The following PNPLA8 variants were observed in gnomAD, a reference collection of about 807,000 sequenced individuals.
PNPLA8 encodes patatin like domain 8, phospholipase A2.
Under a neutral mutation model 76.9 loss-of-function variants are expected in PNPLA8, and 39 were observed. That is an observed-to-expected ratio of 0.51 (90% CI 0.39 to 0.66). The LOEUF is 0.66. Ranked by LOEUF, PNPLA8 falls within the 30% of genes least tolerant of loss-of-function variation. The pLI, the probability that PNPLA8 is intolerant of heterozygous loss-of-function variation, is 0.00. For synonymous variants in PNPLA8, 301 were observed against 307.9 expected, an observed-to-expected ratio of 0.98 and a Z score of 0.24; for missense variants, 887 against 918.0, an observed-to-expected ratio of 0.97 and a Z score of 0.44.
Position 108,511,996 on chromosome 7 carries a change from T to C in PNPLA8, c.1206+2148A>G, listed in dbSNP as rs374535647. ...CATGCAATCGGACAGGATAAACAGATTGTGAGTAGAAGAAACCCGTGGCAA... is the reference window on the plus strand; with the variant it reads ...CATGCAATCGGACAGGATAAACAGACTGTGAGTAGAAGAAACCCGTGGCAA... On this transcript the variant is annotated intron_variant, in intron 4 of 10. Coordinates refer to ENST00000257694, the MANE Select transcript of PNPLA8 (RefSeq NM_001256007.3). 1.9e-3 allele frequency among the ~76,000 whole-genome samples: 283 copies of C among 152,240 alleles called. 2 individuals are homozygous for C. Among genetic ancestry groups the C allele is most frequent in the African/African-American group, 6.4e-3 (267 of 41,544 alleles).
intron 2 of PNPLA8, among the ~76,000 whole-genome samples, chr7:108,518,568 C>T (rs946559960): frequency 6.6e-6 from 1 of 151,434 alleles, no homozygotes; most frequent in Non-Finnish European, 1.5e-5. Flanking sequence ...TGGGTGATGC[C>T]GATAATGGAG....
At chr7:108,497,331 C>T in intron 6 of PNPLA8, 152 bp downstream of exon 6, 1 of 525,294 alleles carries the variant, frequency 1.9e-6, no homozygotes, top group Non-Finnish European at 3.3e-6. Flanking sequence ...CTGGCATAAC[C>T]ATGAACAAAA....
At chr7:108,497,644 T>TAAAAC (rs1166622800) in intron 5 of PNPLA8, 67 bp from the exon 6 acceptor site, 1 of 766,948 alleles carries the variant, frequency 1.3e-6, no homozygotes, top group Admixed American at 3.3e-5. Flanking sequence ...AGCTGTTGAA[T>TAAAAC]AAAACAATCT....
chr7:108,516,082 C>A (rs182092632), intron 2 of PNPLA8, among the ~76,000 whole-genome samples: 312 of 152,310 alleles, frequency 2.0e-3, no homozygotes, highest in Non-Finnish European at 3.6e-3. Flanking sequence ...ACTAGAGCTG[C>A]TGATAGCCAT....
intron 10 of PNPLA8, among the ~76,000 whole-genome samples, chr7:108,475,175 C>A (rs1859900483): frequency 6.6e-6 from 1 of 152,128 alleles, no homozygotes; most frequent in Non-Finnish European, 1.5e-5. Context: ...CTAGATAAGA[C>A]CATCTAGTTG....
intron 6 of PNPLA8, 37 bp downstream of exon 6, chr7:108,497,446 C>A (rs1423187258): frequency 1.5e-6 from 2 of 1,304,150 alleles, no homozygotes; most frequent in Admixed American, 3.6e-5. Flanking sequence ...CCTTAATGTA[C>A]TGCCAGAATG....
chr7:108,517,054 A>C (rs1204737638), intron 2 of PNPLA8, among the ~76,000 whole-genome samples: 1 of 152,254 alleles, frequency 6.6e-6, no homozygotes, highest in Non-Finnish European at 1.5e-5. Context: ...GAACTCTTAA[A>C]GCTCGACAAT....
chr7:108,498,877 A>T (rs1219639308), intron 5 of PNPLA8, among the ~76,000 whole-genome samples: 1 of 152,204 alleles, frequency 6.6e-6, no homozygotes, highest in Non-Finnish European at 1.5e-5. Context: ...GGTAGGGGGT[A>T]GGTAAGTCCT....
At chr7:108,527,604 A>G (rs1488654823), upstream of PNPLA8, 1 of 152,208 alleles carries the variant, frequency 6.6e-6, no homozygotes, top group East Asian at 1.9e-4. Flanking sequence ...TTTTAATACA[A>G]CAAAAACAGC....
At chr7:108,480,769 CT>C in intron 9 of PNPLA8, 12 of 388,804 alleles carry the variant, frequency 3.1e-5, no homozygotes, top group South Asian at 7.6e-5. Flanking sequence ...GTAAAATTAA[CT>C]TTTTTGGTAT....
intron 2 of PNPLA8, among the ~76,000 whole-genome samples, chr7:108,516,011 A>G (rs1863316059): frequency 6.6e-6 from 1 of 152,354 alleles, no homozygotes; most frequent in East Asian, 1.9e-4. Flanking sequence ...TACTTAATCT[A>G]TACCAGACAT....
intron 10 of PNPLA8, among the ~76,000 whole-genome samples, chr7:108,477,869 C>A (rs1860110430): frequency 6.6e-6 from 1 of 151,642 alleles, no homozygotes; most frequent in Admixed American, 6.6e-5. Context: ...TTCTAAGAAA[C>A]ACACACACAC....
At chr7:108,477,729 T>A (rs1860100282) in intron 10 of PNPLA8, among the ~76,000 whole-genome samples, 1 of 151,882 alleles carries the variant, frequency 6.6e-6, no homozygotes, top group Non-Finnish European at 1.5e-5. Flanking sequence ...CTGGGTGCAA[T>A]GGTATGCACC....
At chr7:108,515,945 T>C (rs1209631217) in intron 2 of PNPLA8, among the ~76,000 whole-genome samples, 1 of 152,238 alleles carries the variant, frequency 6.6e-6, no homozygotes, top group African/African-American at 2.4e-5. Flanking sequence ...AGACTTTAAT[T>C]CCTTGAAGAA....
chr7:108,482,456 A>G (rs1239708532), intron 9 of PNPLA8, among the ~76,000 whole-genome samples: 2 of 152,234 alleles, frequency 1.3e-5, no homozygotes, highest in Non-Finnish European at 2.9e-5. Flanking sequence ...TGGGCACCAG[A>G]GTGAGACTCT....
At chr7:108,517,627 A>C (rs1370894564) in intron 2 of PNPLA8, among the ~76,000 whole-genome samples, 4 of 152,230 alleles carry the variant, frequency 2.6e-5, no homozygotes, top group Non-Finnish European at 5.9e-5. Context: ...CCATAAAAAG[A>C]CCGTGAGAAA....
intron 4 of PNPLA8, among the ~76,000 whole-genome samples, chr7:108,506,029 A>C (rs760341554): frequency 6.6e-6 from 1 of 152,334 alleles, no homozygotes; most frequent in South Asian, 2.1e-4. Flanking sequence ...TGAAATAAAA[A>C]ATTAAAACCA....
intron 10 of PNPLA8, among the ~76,000 whole-genome samples, chr7:108,477,537 A>C (rs1456817959): frequency 6.6e-6 from 1 of 152,212 alleles, no homozygotes; most frequent in African/African-American, 2.4e-5. Context: ...TCACCCAATA[A>C]TTAAAAACAA....
At chr7:108,511,054 A>AC (rs1554687511) in intron 4 of PNPLA8, 1 of 695,610 alleles carries the variant, frequency 1.4e-6, no homozygotes, top group East Asian at 2.8e-5. Context: ...AAAAAAAAAA[A>AC]AAAAAGAAAA....
Sources: gnomAD v4.1 joint callset for allele counts (sites outside exome capture counted in the v4.1 genomes callset) on GRCh38, gnomAD v4.1.1 for gene constraint, MANE v1.5 for transcripts, NCBI Gene and HGNC (gene_info 2026-07-23, HGNC 2026-07-21) for gene names.